Variants in BANK1 observed in about 807,000 individuals in gnomAD.
The protein encoded by BANK1 is B-cell scaffold protein with ankyrin repeats.
Under a neutral mutation model 94.5 loss-of-function variants are expected in BANK1, and 95 were observed. The ratio of observed to expected loss-of-function variants is 1.00; its 90% CI spans 0.85 to 1.19. BANK1 has a LOEUF of 1.19. Ranked by LOEUF, BANK1 falls within the 50% of genes most tolerant of loss-of-function variation. The pLI is 0.00. For synonymous variants in BANK1, 334 were observed against 308.4 expected, an observed-to-expected ratio of 1.08 and a Z score of -0.87; for missense variants, 987 against 932.2, an observed-to-expected ratio of 1.06 and a Z score of -0.77.
intron 6 of BANK1, among the ~76,000 whole-genome samples, chr4:101,909,904 A>G (rs1389183314): frequency 6.6e-6 from 1 of 152,242 alleles, no homozygotes; most frequent in African/African-American, 2.4e-5. Flanking sequence ...AATGTATTTT[A>G]AAATATGTAA....
chr4:101,793,936 C>T (rs1301697686), intron 1 of BANK1, among the ~76,000 whole-genome samples: 1 of 152,018 alleles, frequency 6.6e-6, no homozygotes, highest in Non-Finnish European at 1.5e-5. Context: ...CTGATTGCCT[C>T]ATACTGACTT....
Position 101,829,964 on chromosome 4 carries a change from C to A in BANK1, c.227C>A (p.Thr76Lys), listed in dbSNP as rs140410485. The A allele has an allele frequency of 1.5e-5, 25 of 1,613,740 alleles. No homozygotes were observed. In the South Asian group the frequency reaches 2.3e-4, roughly 15 times the overall value. The change falls in exon 2 of 17, where the codon ACG (threonine) becomes AAG (lysine). Residue 76 changes from threonine (T) to lysine (K), a missense_variant. Transcript: ENST00000322953. ...SFRHLELLNL[T>K]SYKCKLLILS... ...CGGCATTTGGAGTTGCTGAACTTAA[C>A]GTCTTACAAATGTAAACTTTTGATA... is the stretch of plus-strand genomic sequence containing the variant.
intron 4 of BANK1, among the ~76,000 whole-genome samples, chr4:101,865,076 A>C (rs931895932): frequency 2.0e-5 from 3 of 152,120 alleles, no homozygotes; most frequent in African/African-American, 7.2e-5. Context: ...GGAGGATGGA[A>C]GGTCAGAAAG....
At chr4:101,915,045 G>C (rs778287165) in intron 6 of BANK1, among the ~76,000 whole-genome samples, 4 of 152,174 alleles carry the variant, frequency 2.6e-5, no homozygotes, top group Non-Finnish European at 5.9e-5. Flanking sequence ...GTCTGCAAAT[G>C]ACTGGGAAAG....
At chr4:101,847,224 TG>T (rs1727282607) in intron 2 of BANK1, among the ~76,000 whole-genome samples, 1 of 151,714 alleles carries the variant, frequency 6.6e-6, no homozygotes, top group Non-Finnish European at 1.5e-5. Flanking sequence ...TGTGTGTGTG[TG>T]TGTGTGTGTG....
At chr4:101,835,423 A>AT (rs908251526) in intron 2 of BANK1, among the ~76,000 whole-genome samples, 4 of 152,086 alleles carry the variant, frequency 2.6e-5, no homozygotes, top group Middle Eastern at 6.8e-3. Context: ...TCCATGGCTT[A>AT]TTTTCTCATA....
chr4:101,929,058 G>T (rs532797771), intron 7 of BANK1, among the ~76,000 whole-genome samples: 2 of 151,782 alleles, frequency 1.3e-5, no homozygotes, highest in African/African-American at 4.8e-5. Flanking sequence ...CTTGAATTCT[G>T]TAATGATTCA....
At chr4:101,852,470 C>CCATATATATA (rs1553927036) in intron 2 of BANK1, among the ~76,000 whole-genome samples, 1 of 103,766 alleles carries the variant, frequency 9.6e-6, no homozygotes, top group Non-Finnish European at 1.8e-5. Context: ...TATTTTTCGG[C>CCATATATATA]TATATATATA....
intron 7 of BANK1, among the ~76,000 whole-genome samples, chr4:102,018,929 TGCCTCA>T (rs374310638): frequency 2.5e-4 from 38 of 151,682 alleles, no homozygotes; most frequent in African/African-American, 9.2e-4. Flanking sequence ...GCAATTCTCC[TGCCTCA>T]GCCTCCCGAG....
At chr4:102,062,992 A>G (rs1728471068) in intron 12 of BANK1, 83 bp from the exon 13 acceptor site, 1 of 1,039,688 alleles carries the variant, frequency 9.6e-7, no homozygotes, top group Non-Finnish European at 1.5e-6. Context: ...CAGCATTGGT[A>G]TTGCTAATAG....
At chr4:101,932,556 A>G (rs1446242793) in intron 7 of BANK1, among the ~76,000 whole-genome samples, 1 of 151,518 alleles carries the variant, frequency 6.6e-6, no homozygotes, top group Non-Finnish European at 1.5e-5. Flanking sequence ...CTATCACCCT[A>G]TTACCAGAGA....
chr4:102,025,048 G>A (rs752360312), intron 8 of BANK1, among the ~76,000 whole-genome samples, 153 bp from the exon 9 acceptor site: 13 of 152,166 alleles, frequency 8.5e-5, no homozygotes, highest in Non-Finnish European at 7.3e-5. Flanking sequence ...ATAAATGACT[G>A]TTCACTAAAA....
At chr4:102,058,649 C>T (rs545162463) in intron 11 of BANK1, among the ~76,000 whole-genome samples, 4 of 151,206 alleles carry the variant, frequency 2.6e-5, no homozygotes, top group African/African-American at 9.7e-5. Flanking sequence ...TTCTTTGCAG[C>T]TTCTCATGCT....
intron 7 of BANK1, among the ~76,000 whole-genome samples, chr4:102,005,500 A>ACAGTTGGTT (rs1173283206): frequency 6.6e-6 from 1 of 152,080 alleles, no homozygotes; most frequent in Non-Finnish European, 1.5e-5. Context: ...TTTATACTTC[A>ACAGTTGGTT]CAGTTGGTTC....
intron 7 of BANK1, among the ~76,000 whole-genome samples, chr4:101,952,769 C>T (rs991419870): frequency 6.6e-6 from 1 of 152,070 alleles, no homozygotes; most frequent in African/African-American, 2.4e-5. Flanking sequence ...TGTTAATAAA[C>T]TTTTTCACAG....
At chr4:101,886,868 T>C (rs1479022634) in intron 5 of BANK1, among the ~76,000 whole-genome samples, 1 of 152,224 alleles carries the variant, frequency 6.6e-6, no homozygotes, top group East Asian at 1.9e-4. Context: ...AATTATGATG[T>C]TCATGGATTT....
intron 7 of BANK1, among the ~76,000 whole-genome samples, chr4:101,987,170 C>A (rs73834538): frequency 7.8e-4 from 119 of 151,686 alleles, no homozygotes; most frequent in African/African-American, 2.7e-3. Flanking sequence ...AATTGGTCCT[C>A]AATCCTTCAC....
At chr4:101,986,899 G>GTGTGTGTGTGTGTATATA (rs1343197093) in intron 7 of BANK1, among the ~76,000 whole-genome samples, 39 of 82,652 alleles carry the variant, frequency 4.7e-4, no homozygotes, top group African/African-American at 2.1e-3. Context: ...GTGTGTGTGT[G>GTGTGTGTGTGTGTATATA]TATATATATA....
chr4:102,047,730 C>T (rs1727928655), intron 11 of BANK1, among the ~76,000 whole-genome samples: 1 of 151,772 alleles, frequency 6.6e-6, no homozygotes, highest in Admixed American at 6.6e-5. Flanking sequence ...AAGAAGGCCA[C>T]AGGAGATGAA....
Sources: allele counts gnomAD v4.1 joint callset (sites outside exome capture counted in the v4.1 genomes callset), GRCh38; gene constraint gnomAD v4.1.1; transcripts MANE v1.5; gene names NCBI Gene and HGNC (gene_info 2026-07-23, HGNC 2026-07-21).